Variants in NR3C1 observed in about 807,000 individuals in gnomAD.
The protein encoded by NR3C1 is nuclear receptor subfamily 3 group C member 1, also known as glucocorticoid receptor.
NR3C1 carries 14 observed loss-of-function variants against 74.0 expected under a neutral mutation model. The ratio of observed to expected loss-of-function variants is 0.19; its 90% CI spans 0.12 to 0.30. NR3C1 has a LOEUF of 0.30. NR3C1 is among the 10% of genes least tolerant of loss of function. NR3C1 has a pLI of 1.00. For synonymous variants in NR3C1, 308 were observed against 332.5 expected (o/e 0.93, Z 0.80); for missense variants, 695 against 909.8 (o/e 0.76, Z 3.04).
At chr5:143,378,433 C>G (rs559346567) in intron 2 of NR3C1, among the ~76,000 whole-genome samples, 117 of 152,278 alleles carry the variant, frequency 7.7e-4, no homozygotes, top group African/African-American at 2.7e-3. Context: ...ATGTTACCTT[C>G]TTTTCTTCTA....
At chr5:143,391,964 C>CT (rs530897697) in intron 2 of NR3C1, among the ~76,000 whole-genome samples, 77 of 149,424 alleles carry the variant, frequency 5.2e-4, no homozygotes, top group Non-Finnish European at 6.6e-4. Flanking sequence ...ATTTTCTTTT[C>CT]TTTTTTTTTT....
chr5:143,332,481 G>A (rs1356813947), intron 2 of NR3C1: 13 of 563,686 alleles, frequency 2.3e-5, no homozygotes, highest in Non-Finnish European at 3.7e-5. Context: ...GAGTTGATAG[G>A]TACAGCAAAC....
intron 5 of NR3C1, among the ~76,000 whole-genome samples, chr5:143,299,917 T>C (rs905568160): frequency 6.6e-6 from 1 of 152,220 alleles, no homozygotes; most frequent in Non-Finnish European, 1.5e-5. Context: ...CACAGGCTTG[T>C]CAATTCCCTG....
chr5:143,405,045 G>T (rs913189626), upstream of NR3C1: 52 of 848,560 alleles, frequency 6.1e-5, no homozygotes, highest in Non-Finnish European at 7.1e-5. Context: ...GAAAGGAGAG[G>T]GCCGTGGGGC....
At position 143,281,216 on chromosome 5, in the gene NR3C1, A is replaced by G. The variant is rs1159940767; in HGVS notation, c.*673T>C. ...GCCATCAGGTTAGAAGCACCAACCC[A>G]TTTTCACACAGATGATTGATTAATG... On this transcript the variant is annotated 3_prime_UTR_variant, in exon 9 of 9. Transcript: ENST00000394464. 1 of 146,418 alleles carries G rather than the reference A, an allele frequency of 6.8e-6. No individual in the cohort carries two copies. The highest frequency in any genetic ancestry group is 2.0e-4 in the East Asian group (1 of 5,018). The allele number at this position is 146,418 out of a possible 1,614,324, so 9.1% of individuals were successfully genotyped here.
chr5:143,392,034 C>T (rs143732669), intron 2 of NR3C1, among the ~76,000 whole-genome samples: 1,672 of 151,962 alleles, frequency 0.011, 25 homozygotes, highest in East Asian at 0.039. Flanking sequence ...GGTGCAACCT[C>T]GGCTCACTGC....
At chr5:143,415,808 A>G (rs1369493634) in intron 1 of NR3C1, among the ~76,000 whole-genome samples, 3 of 152,188 alleles carry the variant, frequency 2.0e-5, no homozygotes, top group African/African-American at 7.2e-5. Flanking sequence ...ATTATCAAGC[A>G]CCCAAAAGTG....
intron 2 of NR3C1, among the ~76,000 whole-genome samples, chr5:143,390,488 C>A (rs138825908): frequency 6.6e-6 from 1 of 152,106 alleles, no homozygotes; most frequent in East Asian, 1.9e-4. Flanking sequence ...CAAGTCCAAG[C>A]CAAAAGCAGA....
chr5:143,401,109 GC>G (rs1226334391), intron 1 of NR3C1: 2 of 493,992 alleles, frequency 4.0e-6, no homozygotes, highest in Non-Finnish European at 7.3e-6. Context: ...ATCGAACTAA[GC>G]TTGGCTATTC....
intron 2 of NR3C1, among the ~76,000 whole-genome samples, chr5:143,354,862 G>T (rs985161330): frequency 2.0e-5 from 3 of 150,746 alleles, no homozygotes; most frequent in Admixed American, 2.0e-4. Context: ...GGCAGAGGTT[G>T]CTGTGAGCCA....
At position 143,306,040 on chromosome 5, in the gene NR3C1, C is replaced by T. The variant is rs192232150; in HGVS notation, c.1468+4057G>A. ...ATAAAGCCATACTTTGGATTGATTA[C>T]AATATATCTTAAAATGAAGTGAATA... is the stretch of plus-strand genomic sequence containing the variant. On this transcript the variant is annotated intron_variant, in intron 4 of 8. Coordinates refer to ENST00000394464, the MANE Select transcript of NR3C1 (RefSeq NM_000176.3). Among the ~76,000 whole-genome samples the T allele has an allele frequency of 1.2e-3, 186 of 151,996 alleles. 1 individual carries two copies. In the South Asian group the frequency reaches 0.024, roughly 19 times the overall value.
At chr5:143,433,466 A>AATTTATGTATTTAAAT (rs1461822676) in intron 1 of NR3C1, among the ~76,000 whole-genome samples, 1 of 133,804 alleles carries the variant, frequency 7.5e-6, no homozygotes, top group African/African-American at 2.8e-5. Flanking sequence ...ATATATATAT[A>AATTTATGTATTTAAAT]TATATTTAAT....
At chr5:143,380,767 A>C (rs1042290555) in intron 2 of NR3C1, among the ~76,000 whole-genome samples, 61 of 152,308 alleles carry the variant, frequency 4.0e-4, no homozygotes, top group Non-Finnish European at 1.5e-4. Flanking sequence ...TAATGGTACC[A>C]CAAGTTAAAG....
At chr5:143,392,462 G>T (rs562405606) in intron 2 of NR3C1, among the ~76,000 whole-genome samples, 10 of 151,934 alleles carry the variant, frequency 6.6e-5, no homozygotes, top group Non-Finnish European at 8.8e-5. Context: ...AGATACATGA[G>T]GAACTAACAT....
At chr5:143,286,452 C>T (rs966598229) in intron 7 of NR3C1, among the ~76,000 whole-genome samples, 1 of 152,026 alleles carries the variant, frequency 6.6e-6, no homozygotes, top group Admixed American at 6.6e-5. Context: ...GTCAATTACT[C>T]AGAAATTAAA....
At chr5:143,423,410 C>T (rs1751339624) in intron 1 of NR3C1, among the ~76,000 whole-genome samples, 1 of 152,168 alleles carries the variant, frequency 6.6e-6, no homozygotes, top group Non-Finnish European at 1.5e-5. Context: ...GATATCATCT[C>T]ATCCCAGTGA....
chr5:143,429,077 T>A (rs17100289), intron 1 of NR3C1, among the ~76,000 whole-genome samples: 85,532 of 152,116 alleles, frequency 0.56, 25,399 homozygotes, highest in Non-Finnish European at 0.66. Flanking sequence ...CCATTTCACA[T>A]TGAGTCTAAA....
At chr5:143,346,707 T>C (rs1457448267) in intron 2 of NR3C1, among the ~76,000 whole-genome samples, 2 of 152,184 alleles carry the variant, frequency 1.3e-5, no homozygotes, top group African/African-American at 4.8e-5. Flanking sequence ...AGCAGCAAAA[T>C]TGAAACAACT....
chr5:143,364,391 T>G (rs576654879), intron 2 of NR3C1, among the ~76,000 whole-genome samples: 54 of 152,118 alleles, frequency 3.5e-4, no homozygotes, highest in African/African-American at 1.3e-3. Context: ...CTAAAAGGAG[T>G]CTTTCAGGTT....
Sources: allele counts gnomAD v4.1 joint callset (sites outside exome capture counted in the v4.1 genomes callset), GRCh38; gene constraint gnomAD v4.1.1; transcripts MANE v1.5; gene names NCBI Gene and HGNC (gene_info 2026-07-23, HGNC 2026-07-21).